KLK3: variants seen among roughly 807,000 people sequenced by gnomAD.
KLK3 encodes the protein kallikrein related peptidase 3.
Under a neutral mutation model 27.7 loss-of-function variants are expected in KLK3, and 23 were observed. That is an observed-to-expected ratio of 0.83 (90% CI 0.60 to 1.17). KLK3 has a LOEUF of 1.17. Ranked by LOEUF, KLK3 falls within the 50% of genes most tolerant of loss-of-function variation. The probability of loss-of-function intolerance (pLI) is 0.00; values close to 1 mark genes in which losing one functional copy is unlikely to be tolerated. For missense variants in KLK3, 322 were observed against 338.1 expected (o/e 0.95, Z 0.37); for synonymous variants, 142 against 134.2 (o/e 1.06, Z -0.40).
intron 4 of KLK3, 155 bp from the exon 5 acceptor site, chr19:50,859,817 A>C: frequency 6.8e-7 from 1 of 1,474,468 alleles, no homozygotes; most frequent in Non-Finnish European, 9.0e-7. Context: ...ATCCCTGCCC[A>C]CCTTCTTCTG....
intron 3 of KLK3, 64 bp from the exon 4 acceptor site, chr19:50,858,395 A>T (rs1476749146): frequency 6.2e-7 from 1 of 1,609,178 alleles, no homozygotes; most frequent in Non-Finnish European, 8.5e-7. Flanking sequence ...CCTAGGTCTG[A>T]GGGAGGAGGG....
chr19:50,856,428 A>G (rs376701679), intron 2 of KLK3, 29 bp downstream of exon 2: 1 of 1,607,884 alleles, frequency 6.2e-7, no homozygotes, highest in Non-Finnish European at 8.5e-7. Flanking sequence ...TCTGGGGAGC[A>G]GGTGTCTGTG....
Position 50,858,587 on chromosome 19 carries a change from A to C in KLK3, c.622A>C (p.Thr208Pro). ...CAGRWTGGKS[T>P]CSGDSGGPLV... ...TGGACGCTGGACAGGGGGCAAAAGC[A>C]CCTGCTCGGTGAGTCATCCCTACTC... is the stretch of plus-strand genomic sequence containing the variant. The change falls in exon 4 of 5, where the codon ACC becomes CCC. Residue 208 changes from threonine (T) to proline (P), a missense_variant. Thr to Pro is a conservative substitution (Grantham distance 38). Coordinates refer to ENST00000326003, the MANE Select transcript of KLK3 (RefSeq NM_001648.2). The C allele has an allele frequency of 6.2e-7, 1 of 1,614,100 alleles. No homozygotes were observed. Among genetic ancestry groups the C allele is most frequent in the Middle Eastern group, 1.6e-4 (1 of 6,062 alleles).
intron 2 of KLK3, chr19:50,856,684 C>T: frequency 2.6e-6 from 1 of 392,044 alleles, no homozygotes; most frequent in South Asian, 3.7e-5. Flanking sequence ...TGTTCTCTCT[C>T]TCCCTCTCTT....
At chr19:50,859,340 G>A (rs545578505) in intron 4 of KLK3, among the ~76,000 whole-genome samples, 56 of 152,208 alleles carry the variant, frequency 3.7e-4, no homozygotes, top group African/African-American at 1.3e-3. Flanking sequence ...GGTGTCCAGA[G>A]GCTGCCGCTG....
Position 50,860,411 on chromosome 19 carries a change from A to C in KLK3, c.*284A>C. ...TGTCTGTGTTATTTGTGGGGTACAG[A>C]GATGAAAGAGGGGTGGGATCCACAC... is the stretch of plus-strand genomic sequence containing the variant. On this transcript the variant is annotated 3_prime_UTR_variant, in exon 5 of 5. Coordinates refer to ENST00000326003, the MANE Select transcript of KLK3 (RefSeq NM_001648.2). The C allele has an allele frequency of 3.6e-6, 1 of 280,260 alleles. No individual in the cohort carries two copies. Among genetic ancestry groups the C allele is most frequent in the Non-Finnish European group, 6.7e-6 (1 of 148,160 alleles). The allele number at this position is 280,260 out of a possible 1,614,324, so 17.4% of individuals were successfully genotyped here. A position where few individuals can be genotyped will look rare whatever the true frequency, so the allele number is the denominator to read the frequency against.
Position 50,856,598 on chromosome 19 carries a change from C to T in KLK3, c.206+199C>T, listed in dbSNP as rs565441708. ...GCTGCCTGGGTCTCCATCTGTGTTC[C>T]TCTATGTCTCTTTGTGTCGCTTTCA... On this transcript the variant is annotated intron_variant, in intron 2 of 4. Coordinates refer to ENST00000326003, the MANE Select transcript of KLK3 (RefSeq NM_001648.2). 43 of 555,342 alleles carry T rather than the reference C, an allele frequency of 7.7e-5. No homozygotes were observed. In the Middle Eastern group the frequency reaches 1.4e-3, roughly 18 times the overall value. 34.4% of individuals were successfully genotyped at this position (555,342 alleles called of 1,614,324 possible).
Position 50,858,467 on chromosome 19 carries a change from C to T in KLK3, c.502C>T (p.Pro168Ser). The change falls in exon 4 of 5, where the codon CCA becomes TCA. Residue 168 changes from proline to serine, a missense_variant. Pro to Ser is a moderately conservative substitution (Grantham distance 74). Coordinates refer to ENST00000326003, the MANE Select transcript of KLK3 (RefSeq NM_001648.2). ...GSIEPEEFLT[P>S]KKLQCVDLHV... ...TTTTGCCTGGCCCGTAGTCTTGACC[C>T]CAAAGAAACTTCAGTGTGTGGACCT... The T allele has an allele frequency of 3.1e-6, 5 of 1,614,170 alleles. No individual in the cohort carries two copies. The highest frequency in any genetic ancestry group is 1.1e-5 in the South Asian group (1 of 91,078).
rs970275210 is a variant in KLK3 at position 50,858,577 on chromosome 19, G to A, written c.612G>A (p.Gly204=). 6.2e-7 allele frequency: 1 copy of A among 1,614,080 alleles called. No homozygotes were observed. Among genetic ancestry groups the A allele is most frequent in the African/African-American group, 1.3e-5 (1 of 74,918 alleles). The change falls in exon 4 of 5, where the codon GGG becomes GGA. Residue 204 remains glycine, a synonymous_variant. Coordinates refer to ENST00000326003, the MANE Select transcript of KLK3 (RefSeq NM_001648.2). ...KFMLCAGRWT[G]GKSTCSGDSG... ...TGCTGTGTGCTGGACGCTGGACAGG[G>A]GGCAAAAGCACCTGCTCGGTGAGTC...
At chr19:50,859,240 T>A (rs2090168962) in intron 4 of KLK3, among the ~76,000 whole-genome samples, 1 of 152,016 alleles carries the variant, frequency 6.6e-6, no homozygotes, top group South Asian at 2.1e-4. Flanking sequence ...CTGCAGGGCC[T>A]CACCTGGGCC....
intron 2 of KLK3, among the ~76,000 whole-genome samples, chr19:50,857,183 AG>A (rs71185770): frequency 1.9e-4 from 25 of 128,978 alleles, no homozygotes; most frequent in African/African-American, 4.0e-4. Flanking sequence ...AAAAAAAAAA[AG>A]AAAAGAAAAG....
chr19:50,857,559 ACT>A (rs1444646431), intron 2 of KLK3: 1 of 157,062 alleles, frequency 6.4e-6, no homozygotes, highest in Non-Finnish European at 1.4e-5. Flanking sequence ...TCTCTCCCAC[ACT>A]CTATCATCCC....
intron 3 of KLK3, 44 bp downstream of exon 3, chr19:50,858,359 G>A: frequency 6.2e-7 from 1 of 1,602,828 alleles, no homozygotes; most frequent in Non-Finnish European, 8.5e-7. Flanking sequence ...CAGATGCCTG[G>A]GTCTGAGGGA....
Position 50,855,014 on chromosome 19 carries a change from A to G in KLK3, c.46+13A>G, listed in dbSNP as rs748066262. 7 of 1,613,512 alleles carry G rather than the reference A, an allele frequency of 4.3e-6. No individual in the cohort carries two copies. The highest frequency in any genetic ancestry group is 1.1e-5 in the South Asian group (1 of 91,074). On this transcript the variant is annotated intron_variant, in intron 1 of 4. Transcript: ENST00000326003. ...GTGACGTGGATTGGTGAGAGGGGCCATGGTTGGGGGGATGCAGGAGAGGGA... is the reference window on the plus strand; with the variant it reads ...GTGACGTGGATTGGTGAGAGGGGCCGTGGTTGGGGGGATGCAGGAGAGGGA...
intron 2 of KLK3, among the ~76,000 whole-genome samples, chr19:50,857,153 A>T (rs1405335195): frequency 9.4e-6 from 1 of 106,452 alleles, no homozygotes; most frequent in Non-Finnish European, 1.9e-5. Context: ...ACAGAGTGAG[A>T]CTCCGCCTCA....
rs2090177460 is a variant in KLK3, at chr19:50,860,297, GTAAT to G, written c.*172_*175del. ...TAGACCAGAGTGTTTCTTAAATGGT[GTAAT>G]TTTGTCCTCTCTGTGTCCTGGGGAA... is the stretch of plus-strand genomic sequence containing the variant. On this transcript the variant is annotated 3_prime_UTR_variant, in exon 5 of 5. Coordinates refer to ENST00000326003, the MANE Select transcript of KLK3 (RefSeq NM_001648.2). 3.6e-6 allele frequency: 2 copies of G among 549,034 alleles called. No individual in the cohort carries two copies. Among genetic ancestry groups the G allele is most frequent in the Non-Finnish European group, 6.6e-6 (2 of 303,956 alleles). 34.0% of individuals were successfully genotyped at this position (549,034 alleles called of 1,614,324 possible). A position where few individuals can be genotyped will look rare whatever the true frequency, so the allele number is the denominator to read the frequency against.
At position 50,855,020 on chromosome 19, in the gene KLK3, G is replaced by C. The variant is rs2090137545; in HGVS notation, c.46+19G>C. On this transcript the variant is annotated intron_variant, in intron 1 of 4. Coordinates refer to ENST00000326003, the MANE Select transcript of KLK3 (RefSeq NM_001648.2). ...TGGATTGGTGAGAGGGGCCATGGTT[G>C]GGGGGATGCAGGAGAGGGAGCCAGC... 1.2e-6 allele frequency: 2 copies of C among 1,613,084 alleles called. No homozygotes were observed. The highest frequency in any genetic ancestry group is 1.7e-5 in the Admixed American group (1 of 59,982).
chr19:50,858,699 C>G, intron 4 of KLK3, 104 bp downstream of exon 4: 5 of 1,297,376 alleles, frequency 3.9e-6, no homozygotes, highest in Non-Finnish European at 5.4e-6. Context: ...CCCCTGCTCC[C>G]CAGCTGTAGC....
At chr19:50,859,812 T>G (rs2090173340) in intron 4 of KLK3, 160 bp from the exon 5 acceptor site, 2 of 1,471,786 alleles carry the variant, frequency 1.4e-6, no homozygotes, top group Non-Finnish European at 1.8e-6. Flanking sequence ...TTGGAATCCC[T>G]GCCCACCTTC....
Sources: gnomAD v4.1 joint callset for allele counts (sites outside exome capture counted in the v4.1 genomes callset) on GRCh38, gnomAD v4.1.1 for gene constraint, MANE v1.5 for transcripts, NCBI Gene and HGNC (gene_info 2026-07-23, HGNC 2026-07-21) for gene names.